Variants in MGAT4C observed in about 807,000 individuals in gnomAD.
MGAT4C encodes alpha-1,3-mannosyl-glycoprotein 4-beta-N-acetylglucosaminyltransferase C.
In MGAT4C, 19 loss-of-function variants were observed where a neutral mutation model predicts 40.1. That is an observed-to-expected ratio of 0.47 (90% CI 0.33 to 0.70). The LOEUF (loss-of-function observed/expected upper bound fraction) is 0.70. MGAT4C is among the 30% of genes least tolerant of loss of function. The pLI is 0.02. For synonymous variants in MGAT4C, 181 were observed against 187.1 expected (o/e 0.97, Z 0.27); for missense variants, 491 against 563.2 (o/e 0.87, Z 1.30).
intron 2 of MGAT4C, among the ~76,000 whole-genome samples, chr12:86,655,763 C>T (rs932996945): frequency 1.3e-5 from 2 of 152,090 alleles, no homozygotes; most frequent in African/African-American, 4.8e-5. Flanking sequence ...TAGAACCATG[C>T]TTCTTCGTTT....
intron 2 of MGAT4C, among the ~76,000 whole-genome samples, chr12:86,713,122 T>G (rs1950587991): frequency 6.6e-6 from 1 of 151,324 alleles, no homozygotes; most frequent in Admixed American, 6.6e-5. Flanking sequence ...ACACACACCA[T>G]GCTATTTATA....
At chr12:86,466,312 G>T (rs1320397720) in intron 2 of MGAT4C, among the ~76,000 whole-genome samples, 1 of 152,158 alleles carries the variant, frequency 6.6e-6, no homozygotes, top group Non-Finnish European at 1.5e-5. Flanking sequence ...TAGGTTTATG[G>T]ATAGCTATAC....
intron 2 of MGAT4C, among the ~76,000 whole-genome samples, chr12:86,579,508 C>T (rs538457335): frequency 2.6e-5 from 4 of 151,458 alleles, no homozygotes; most frequent in Admixed American, 2.0e-4. Flanking sequence ...GTACTGAGTG[C>T]GTCTTGAAAA....
Position 86,248,599 on chromosome 12 carries a change from T to C in MGAT4C, c.-57+7640A>G, listed in dbSNP as rs1055174522. ...GAGAAGCGGTTCCCTTCCAAGTAGATAGGCAATTGTCTTGCCTCTTCTGTC... is the reference window on the plus strand; with the variant it reads ...GAGAAGCGGTTCCCTTCCAAGTAGACAGGCAATTGTCTTGCCTCTTCTGTC... On this transcript the variant is annotated intron_variant, in intron 1 of 4. Coordinates refer to ENST00000611864, the MANE Select transcript of MGAT4C (RefSeq NM_001351288.2). 7.9e-5 allele frequency among the ~76,000 whole-genome samples: 12 copies of C among 152,298 alleles called. 1 individual carries two copies. The highest frequency in any genetic ancestry group is 6.8e-3 in the Middle Eastern group (2 of 294).
intron 1 of MGAT4C, among the ~76,000 whole-genome samples, chr12:86,810,565 C>A (rs1004267331): frequency 2.6e-5 from 4 of 151,234 alleles, no homozygotes; most frequent in African/African-American, 9.7e-5. Flanking sequence ...TTGTTAAATG[C>A]TCTTGTGTCA....
rs1177480133 is a variant in MGAT4C at position 86,500,936 on chromosome 12, T to C, written c.-228-65671A>G. 2.6e-5 allele frequency among the ~76,000 whole-genome samples: 4 copies of C among 152,084 alleles called. No individual in the cohort carries two copies. The Admixed American group carries it at 2.6e-4, about 10-fold the overall frequency. On this transcript the variant is annotated intron_variant, in intron 2 of 7. Coordinates refer to the MGAT4C transcript ENST00000548651. ...CATGTGAAAAGCAGCTTAAGTAATT[T>C]ATCAAATTGAAAAATGAAATAGATA...
chr12:86,800,356 G>T (rs1260622156), intron 1 of MGAT4C, among the ~76,000 whole-genome samples: 1 of 151,838 alleles, frequency 6.6e-6, no homozygotes, highest in Non-Finnish European at 1.5e-5. Context: ...CCTCCATCTG[G>T]TCATAGCCTC....
intron 2 of MGAT4C, among the ~76,000 whole-genome samples, chr12:86,673,234 A>G (rs911024878): frequency 2.0e-5 from 3 of 152,208 alleles, no homozygotes; most frequent in Non-Finnish European, 4.4e-5. Context: ...AATTTTGGGC[A>G]AGTTACCTAA....
chr12:86,406,071 A>T (rs185989391), intron 3 of MGAT4C, among the ~76,000 whole-genome samples: 6 of 145,958 alleles, frequency 4.1e-5, no homozygotes, highest in Admixed American at 1.4e-4. Context: ...AGTAATTTTT[A>T]TATATATATA....
intron 1 of MGAT4C, among the ~76,000 whole-genome samples, chr12:86,131,871 T>C (rs551435568): frequency 1.3e-4 from 20 of 152,282 alleles, no homozygotes; most frequent in Admixed American, 9.1e-4. Context: ...CCATAATTAA[T>C]AGTCTTCCTC....
chr12:86,289,908 T>C (rs1181608816), intron 4 of MGAT4C, among the ~76,000 whole-genome samples: 3 of 152,196 alleles, frequency 2.0e-5, no homozygotes, highest in Non-Finnish European at 4.4e-5. Context: ...AGAAAGTTAA[T>C]AAAATGTGGA....
At chr12:85,986,593 T>C (rs1885225098) in intron 3 of MGAT4C, among the ~76,000 whole-genome samples, 1 of 152,246 alleles carries the variant, frequency 6.6e-6, no homozygotes, top group Non-Finnish European at 1.5e-5. Flanking sequence ...ATCTGTTAAC[T>C]AACTCCAGAG....
At chr12:86,717,302 T>G (rs1297927438) in intron 2 of MGAT4C, among the ~76,000 whole-genome samples, 1 of 151,764 alleles carries the variant, frequency 6.6e-6, no homozygotes, top group Non-Finnish European at 1.5e-5. Context: ...TTTGAAAAAA[T>G]AGAAATATCA....
At chr12:86,103,818 T>C (rs1875590961) in intron 1 of MGAT4C, among the ~76,000 whole-genome samples, 1 of 152,160 alleles carries the variant, frequency 6.6e-6, no homozygotes, top group African/African-American at 2.4e-5. Flanking sequence ...TGAGATCCTC[T>C]AATATAAGAT....
intron 1 of MGAT4C, among the ~76,000 whole-genome samples, chr12:86,192,616 C>T (rs839166): frequency 0.75 from 113,274 of 152,034 alleles, 42,820 homozygotes; most frequent in Non-Finnish European, 0.8. Flanking sequence ...TTGCACTATA[C>T]TCCAAAAGAA....
At chr12:86,661,494 G>C (rs10735254) in intron 2 of MGAT4C, among the ~76,000 whole-genome samples, 24 of 152,112 alleles carry the variant, frequency 1.6e-4, no homozygotes, top group Non-Finnish European at 8.8e-5. Context: ...ATATAAAACT[G>C]TATGTTTTTT....
At chr12:86,472,046 A>G (rs1319171445) in intron 2 of MGAT4C, among the ~76,000 whole-genome samples, 2 of 152,182 alleles carry the variant, frequency 1.3e-5, no homozygotes, top group African/African-American at 4.8e-5. Context: ...CTAAAATATT[A>G]GAACATTTAT....
rs1892718757 is a variant in MGAT4C at position 86,049,714 on chromosome 12, CGTTGATACCCT to C, written c.-56-2_-48del. On this transcript the variant is annotated splice_acceptor_variant and 5_prime_UTR_variant, in exon 2 of 5. Transcript: ENST00000611864. LOFTEE classifies it low-confidence loss of function (5UTR_SPLICE). ...GTCATAATCTGTGCTGTACAGAAAC[CGTTGATACCCT>C]GGAAAAAAGAAAGTCTAATATTACT... 1 of 981,914 alleles carries C rather than the reference CGTTGATACCCT, an allele frequency of 1.0e-6. No individual in the cohort carries two copies. Among genetic ancestry groups the C allele is most frequent in the African/African-American group, 1.8e-5 (1 of 57,092 alleles). 60.8% of individuals were successfully genotyped at this position (981,914 alleles called of 1,614,324 possible).
chr12:86,808,752 A>G (rs1435131931), intron 1 of MGAT4C, among the ~76,000 whole-genome samples: 2 of 152,032 alleles, frequency 1.3e-5, no homozygotes, highest in African/African-American at 4.8e-5. Context: ...CTCCTACGCA[A>G]CATAGCATTG....
Sources: gnomAD v4.1 joint callset for allele counts (sites outside exome capture counted in the v4.1 genomes callset) on GRCh38, gnomAD v4.1.1 for gene constraint, MANE v1.5 for transcripts, NCBI Gene and HGNC (gene_info 2026-07-23, HGNC 2026-07-21) for gene names.